HOMER1: variants seen among roughly 807,000 people sequenced by gnomAD.
HOMER1 encodes homer scaffold protein 1.
A neutral mutation model predicts 48.9 loss-of-function variants in HOMER1; 3 were observed. The ratio of observed to expected loss-of-function variants is 0.06; its 90% CI spans 0.03 to 0.16. The LOEUF is 0.16. Among genes scored for constraint, HOMER1 ranks in the 10% least tolerant of loss-of-function variants. The probability of loss-of-function intolerance (pLI) is 1.00; values close to 1 mark genes in which losing one functional copy is unlikely to be tolerated. For missense variants in HOMER1, 247 were observed against 411.4 expected (o/e 0.60, Z 3.46); for synonymous variants, 134 against 146.4 (o/e 0.92, Z 0.61).
At chr5:79,465,293 C>T (rs1460060861) in intron 1 of HOMER1, among the ~76,000 whole-genome samples, 1 of 152,020 alleles carries the variant, frequency 6.6e-6, no homozygotes, top group Non-Finnish European at 1.5e-5. Context: ...TATGATTGTA[C>T]ACCACTGCAT....
In HOMER1 at chr5:79,388,656, T is replaced by C. The variant is rs77426156; in HGVS notation, c.876+8167A>G. ...AAACTCCAAAGAACAGAAAGGTTGA[T>C]TGAACTCATGAGAGAAACAGAAGAA... On this transcript the variant is annotated intron_variant, in intron 8 of 8. Coordinates refer to ENST00000334082, the MANE Select transcript of HOMER1 (RefSeq NM_004272.5). Among the ~76,000 whole-genome samples, 1,064 of 152,164 alleles carry C rather than the reference T, an allele frequency of 7.0e-3. 6 individuals carry two copies. The highest frequency in any genetic ancestry group is 0.023 in the African/African-American group (972 of 41,552).
At chr5:79,438,895 AGT>A in intron 5 of HOMER1, 113 bp downstream of exon 5, 17 of 733,188 alleles carry the variant, frequency 2.3e-5, no homozygotes, top group South Asian at 4.2e-5. Flanking sequence ...AAAAAAAAAA[AGT>A]CAAAGTCAAC....
chr5:79,460,412 A>C (rs1226082975), intron 1 of HOMER1, among the ~76,000 whole-genome samples: 1 of 152,208 alleles, frequency 6.6e-6, no homozygotes, highest in African/African-American at 2.4e-5. Context: ...TGGGTGACAG[A>C]GCCAGACCTT....
intron 1 of HOMER1, among the ~76,000 whole-genome samples, chr5:79,467,943 G>T (rs368363728): frequency 7.4e-4 from 113 of 152,140 alleles, no homozygotes; most frequent in African/African-American, 2.4e-3. Flanking sequence ...ACCACATCCA[G>T]CTTTTTTTAG....
At chr5:79,382,238 C>A (rs960999799) in intron 8 of HOMER1, among the ~76,000 whole-genome samples, 2 of 152,034 alleles carry the variant, frequency 1.3e-5, no homozygotes, top group South Asian at 4.2e-4. Flanking sequence ...GGGTAGAAAA[C>A]CTATTTAATG....
intron 2 of HOMER1, among the ~76,000 whole-genome samples, chr5:79,455,627 T>C (rs996709652): frequency 2.0e-5 from 3 of 152,176 alleles, no homozygotes; most frequent in African/African-American, 4.8e-5. Context: ...TGGACTAATA[T>C]AGATGGCAAG....
At chr5:79,480,855 T>C (rs971040263) in intron 1 of HOMER1, among the ~76,000 whole-genome samples, 10 of 152,216 alleles carry the variant, frequency 6.6e-5, no homozygotes, top group African/African-American at 2.4e-4. Flanking sequence ...AGATAGTTCC[T>C]AGCCTTGTCA....
At chr5:79,492,832 A>C (rs189788495) in intron 1 of HOMER1, among the ~76,000 whole-genome samples, 9 of 152,054 alleles carry the variant, frequency 5.9e-5, no homozygotes, top group African/African-American at 2.2e-4. Flanking sequence ...AAATAACAGA[A>C]TAGAACACTA....
chr5:79,381,165 C>T (rs2112189958), intron 8 of HOMER1, among the ~76,000 whole-genome samples: 1 of 152,280 alleles, frequency 6.6e-6, no homozygotes, highest in Non-Finnish European at 1.5e-5. Flanking sequence ...ACCTGGTGTC[C>T]CAGTCCCCAG....
chr5:79,503,335 C>T (rs2112377497), intron 1 of HOMER1, among the ~76,000 whole-genome samples: 2 of 151,366 alleles, frequency 1.3e-5, no homozygotes, highest in African/African-American at 4.8e-5. Flanking sequence ...GAGCTCGAGA[C>T]CAGCCTGGAA....
chr5:79,448,295 T>C (rs1750939933), intron 3 of HOMER1, among the ~76,000 whole-genome samples: 1 of 152,216 alleles, frequency 6.6e-6, no homozygotes, highest in Admixed American at 6.5e-5. Flanking sequence ...AACTTCTCTT[T>C]ATGTAATCTG....
At chr5:79,379,215 TTATATATCTATAATATATATTATATATTA>T (rs1197025299) in intron 8 of HOMER1, among the ~76,000 whole-genome samples, 7 of 107,028 alleles carry the variant, frequency 6.5e-5, no homozygotes, top group Non-Finnish European at 1.2e-4. Context: ...ATATATATTT[TTATATATCTATAATATATATTATATATTA>T]TATATATCTA....
intron 5 of HOMER1, among the ~76,000 whole-genome samples, chr5:79,420,851 T>C (rs1332712749): frequency 6.6e-6 from 1 of 152,208 alleles, no homozygotes; most frequent in Non-Finnish European, 1.5e-5. Flanking sequence ...ACATGCTCCA[T>C]ACATGATTTT....
chr5:79,394,044 AT>A (rs1219281752), intron 8 of HOMER1, among the ~76,000 whole-genome samples: 2 of 152,156 alleles, frequency 1.3e-5, no homozygotes, highest in African/African-American at 4.8e-5. Context: ...ATTTTTTGAA[AT>A]TTTTCTAATT....
At chr5:79,468,136 G>T (rs1447734528) in intron 1 of HOMER1, among the ~76,000 whole-genome samples, 1 of 152,160 alleles carries the variant, frequency 6.6e-6, no homozygotes, top group Non-Finnish European at 1.5e-5. Flanking sequence ...TATCCAGTAT[G>T]GTAGCCACTA....
rs1208841602 is a variant in HOMER1, at chr5:79,513,446, A to G, written c.-672T>C. The G allele has an allele frequency of 6.6e-6, 1 of 152,554 alleles. No individual in the cohort carries two copies. Among genetic ancestry groups the G allele is most frequent in the Non-Finnish European group, 1.5e-5 (1 of 68,286 alleles). 9.5% of individuals were successfully genotyped at this position (152,554 alleles called of 1,614,324 possible). A position where few individuals can be genotyped will look rare whatever the true frequency, so the allele number is the denominator to read the frequency against. On this transcript the variant is annotated 5_prime_UTR_variant, in exon 1 of 9. Coordinates refer to ENST00000334082, the MANE Select transcript of HOMER1 (RefSeq NM_004272.5). ...AGCAGAGAAGAGGTGGGGAGGACGA[A>G]GAGAAGGCTAGGCAGGATCGATTCA...
At chr5:79,418,026 T>C (rs1749990868) in intron 5 of HOMER1, among the ~76,000 whole-genome samples, 1 of 152,232 alleles carries the variant, frequency 6.6e-6, no homozygotes, top group East Asian at 1.9e-4. Context: ...CAGAAAACTT[T>C]TGCATTCAGT....
intron 1 of HOMER1, among the ~76,000 whole-genome samples, chr5:79,475,428 CTT>C (rs370912747): frequency 7.4e-4 from 94 of 126,990 alleles, no homozygotes; most frequent in Admixed American, 1.7e-3. Context: ...AATTCTTAGA[CTT>C]TTTTTTTTTT....
intron 1 of HOMER1, among the ~76,000 whole-genome samples, chr5:79,463,577 A>G (rs370780746): frequency 6.6e-6 from 1 of 152,222 alleles, no homozygotes; most frequent in Non-Finnish European, 1.5e-5. Flanking sequence ...AACAGTTGTC[A>G]TTTAAAAAAC....
Sources: gnomAD v4.1 joint callset for allele counts (sites outside exome capture counted in the v4.1 genomes callset) on GRCh38, gnomAD v4.1.1 for gene constraint, MANE v1.5 for transcripts, NCBI Gene and HGNC (gene_info 2026-07-23, HGNC 2026-07-21) for gene names.